Variants in SAMD12 observed in about 807,000 individuals in gnomAD.
SAMD12 encodes sterile alpha motif domain-containing protein 12.
SAMD12 carries 9 observed loss-of-function variants against 15.0 expected under a neutral mutation model. The observed-to-expected ratio is 0.60, with a 90% CI of 0.36 to 1.05. The LOEUF is 1.05. Among genes scored for constraint, SAMD12 ranks in the 50% least tolerant of loss-of-function variants. The pLI is 0.01. For missense variants in SAMD12, 230 were observed against 234.2 expected (o/e 0.98, Z 0.12); for synonymous variants, 86 against 90.1 (o/e 0.96, Z 0.25).
chr8:118,335,908 T>C (rs1003619783), intron 4 of SAMD12, among the ~76,000 whole-genome samples: 1 of 152,092 alleles, frequency 6.6e-6, no homozygotes, highest in African/African-American at 2.4e-5. Context: ...CTAAGTTTTG[T>C]ACTTTTTATA....
intron 2 of SAMD12, among the ~76,000 whole-genome samples, chr8:118,556,045 T>C (rs1432796526): frequency 6.6e-6 from 1 of 152,152 alleles, no homozygotes; most frequent in Non-Finnish European, 1.5e-5. Context: ...ATCCTGAGAA[T>C]GGGGAACTGG....
chr8:118,262,354 A>T (rs1813100041), intron 4 of SAMD12, among the ~76,000 whole-genome samples: 1 of 152,134 alleles, frequency 6.6e-6, no homozygotes, highest in Admixed American at 6.6e-5. Context: ...ATACAAAGTG[A>T]TTTCAGCATG....
chr8:118,383,828 T>C (rs1027468989), intron 3 of SAMD12, among the ~76,000 whole-genome samples: 1 of 152,168 alleles, frequency 6.6e-6, no homozygotes, highest in African/African-American at 2.4e-5. Context: ...ATCACCATTA[T>C]GTACCTGCCA....
intron 4 of SAMD12, among the ~76,000 whole-genome samples, chr8:118,228,880 A>G (rs1205433746): frequency 6.6e-6 from 1 of 152,248 alleles, no homozygotes; most frequent in African/African-American, 2.4e-5. Context: ...AAATCGCGGA[A>G]CAAATACAAA....
intron 2 of SAMD12, among the ~76,000 whole-genome samples, chr8:118,546,666 T>A (rs1273405236): frequency 1.3e-5 from 2 of 152,224 alleles, no homozygotes; most frequent in Non-Finnish European, 2.9e-5. Context: ...AAAGCCCCGC[T>A]GCACCTCTCT....
At chr8:118,315,694 A>C (rs1385807) in intron 4 of SAMD12, among the ~76,000 whole-genome samples, 72,572 of 152,004 alleles carry the variant, frequency 0.48, 19,893 homozygotes, top group African/African-American at 0.77. Flanking sequence ...AGAAAAAAAA[A>C]CTTCCAGAAG....
At chr8:118,497,048 T>C (rs1824636082) in intron 2 of SAMD12, among the ~76,000 whole-genome samples, 1 of 152,186 alleles carries the variant, frequency 6.6e-6, no homozygotes, top group South Asian at 2.1e-4. Context: ...GAATGGCTAT[T>C]ACTAAAAAGT....
chr8:118,600,269 G>T (rs1470172088), intron 1 of SAMD12, among the ~76,000 whole-genome samples: 2 of 151,780 alleles, frequency 1.3e-5, no homozygotes, highest in East Asian at 3.9e-4. Context: ...CATTTGAGAG[G>T]TTCAAAACTA....
At position 118,460,675 on chromosome 8, in the gene SAMD12, T is replaced by C. The variant is rs550681058; in HGVS notation, c.193-20714A>G. ...GTTGGAAGATGGTGAGAGGGGAACA[T>C]TACTGGAGGGAGAAGTGCAGAGGAG... On this transcript the variant is annotated intron_variant, in intron 2 of 3. Coordinates refer to ENST00000314727, the MANE Select transcript of SAMD12 (RefSeq NM_207506.3). Among the ~76,000 whole-genome samples the C allele has an allele frequency of 4.7e-4, 72 of 152,018 alleles. 1 individual carries two copies. The South Asian group carries it at 7.1e-3, about 15-fold the overall frequency.
chr8:118,578,057 C>G (rs1827195034), intron 2 of SAMD12, among the ~76,000 whole-genome samples: 1 of 151,960 alleles, frequency 6.6e-6, no homozygotes, highest in Non-Finnish European at 1.5e-5. Flanking sequence ...TGTGGAAAAC[C>G]CTCCTAGACT....
intron 2 of SAMD12, among the ~76,000 whole-genome samples, chr8:118,545,167 T>C (rs141374520): frequency 4.6e-5 from 7 of 152,264 alleles, no homozygotes; most frequent in African/African-American, 1.7e-4. Flanking sequence ...ACACATATAT[T>C]TTAAAACAAG....
chr8:118,190,413 G>T (rs1249624970), exon 5 of SAMD12: 1 of 152,160 alleles, frequency 6.6e-6, no homozygotes, highest in Non-Finnish European at 1.5e-5. Context: ...CACCTTGGTA[G>T]ATCATGGAGC....
chr8:118,443,998 C>T (rs555643173), intron 2 of SAMD12, among the ~76,000 whole-genome samples: 6 of 152,322 alleles, frequency 3.9e-5, no homozygotes, highest in East Asian at 3.9e-4. Flanking sequence ...TCAATGCCTT[C>T]GACCGCCTCG....
chr8:118,305,144 CAA>C (rs56200866), intron 4 of SAMD12, among the ~76,000 whole-genome samples: 2 of 48,886 alleles, frequency 4.1e-5, no homozygotes, highest in African/African-American at 8.1e-5. Flanking sequence ...GACTCCCTGT[CAA>C]AAAAAAAAAA....
chr8:118,408,615 T>G (rs1821248694), intron 3 of SAMD12, among the ~76,000 whole-genome samples: 1 of 152,206 alleles, frequency 6.6e-6, no homozygotes. Flanking sequence ...TCATTCTTAA[T>G]AAATACTAAC....
At chr8:118,439,434 T>G (rs1822667374) in intron 3 of SAMD12, among the ~76,000 whole-genome samples, 1 of 152,162 alleles carries the variant, frequency 6.6e-6, no homozygotes, top group African/African-American at 2.4e-5. Context: ...ATATACTTTA[T>G]CTTAGACATT....
the SAMD12 span, among the ~76,000 whole-genome samples, chr8:118,175,826 G>A: frequency 6.6e-6 from 1 of 152,310 alleles, no homozygotes; most frequent in Non-Finnish European, 1.5e-5. Flanking sequence ...TTATTAAAAA[G>A]TCAAGAAGTA....
chr8:118,421,165 A>G (rs183205731), intron 3 of SAMD12, among the ~76,000 whole-genome samples: 3 of 152,344 alleles, frequency 2.0e-5, no homozygotes, highest in Admixed American at 2.0e-4. Flanking sequence ...AATGAGATGG[A>G]TAACACATCT....
intron 2 of SAMD12, among the ~76,000 whole-genome samples, chr8:118,539,843 A>G (rs1825941861): frequency 6.6e-6 from 1 of 152,196 alleles, no homozygotes; most frequent in Non-Finnish European, 1.5e-5. Flanking sequence ...AAAAGGGAAA[A>G]AAGATATATG....
Sources: allele counts gnomAD v4.1 joint callset (sites outside exome capture counted in the v4.1 genomes callset), GRCh38; gene constraint gnomAD v4.1.1; transcripts MANE v1.5; gene names NCBI Gene and HGNC (gene_info 2026-07-23, HGNC 2026-07-21).